Variants in RAB3C observed in about 807,000 individuals in gnomAD.
The protein encoded by RAB3C is ras-related protein Rab-3C.
A neutral mutation model predicts 26.4 loss-of-function variants in RAB3C; 17 were observed. The observed-to-expected ratio is 0.64, with a 90% CI of 0.44 to 0.97. The LOEUF is 0.97. Ranked by LOEUF, RAB3C falls within the 50% of genes least tolerant of loss-of-function variation. The pLI, the probability that RAB3C is intolerant of heterozygous loss-of-function variation, is 0.00. For synonymous variants in RAB3C, 91 were observed against 95.9 expected (o/e 0.95, Z 0.30); for missense variants, 242 against 281.9 (o/e 0.86, Z 1.01).
intron 3 of RAB3C, among the ~76,000 whole-genome samples, chr5:58,743,311 C>G (rs7729997): frequency 0.013 from 2,022 of 152,188 alleles, 49 homozygotes; most frequent in African/African-American, 0.047. Flanking sequence ...ATATTAGAGT[C>G]TCCTGGAGAT....
At chr5:58,840,923 C>A (rs551845880) in intron 4 of RAB3C, among the ~76,000 whole-genome samples, 1 of 152,350 alleles carries the variant, frequency 6.6e-6, no homozygotes, top group African/African-American at 2.4e-5. Context: ...CATGCAATTG[C>A]TTGTCTGACC....
At chr5:58,602,391 C>G (rs1746475624) in intron 1 of RAB3C, among the ~76,000 whole-genome samples, 1 of 151,878 alleles carries the variant, frequency 6.6e-6, no homozygotes, top group Non-Finnish European at 1.5e-5. Flanking sequence ...AGTTTAAATC[C>G]ATTGTTTCTT....
chr5:58,661,192 G>A (rs1747899129), intron 2 of RAB3C, among the ~76,000 whole-genome samples: 1 of 150,242 alleles, frequency 6.7e-6, no homozygotes, highest in Non-Finnish European at 1.5e-5. Flanking sequence ...TTAAAGTATA[G>A]TCATGTCTCA....
At chr5:58,824,982 A>G (rs1743440357) in intron 3 of RAB3C, 56 bp from the exon 4 acceptor site, 3 of 1,266,238 alleles carry the variant, frequency 2.4e-6, no homozygotes, top group Non-Finnish European at 1.1e-6. Context: ...CTTCTCCTTC[A>G]TTTTATGCTG....
At position 58,602,770 on chromosome 5, in the gene RAB3C, G is replaced by T. The variant is rs1340128162; in HGVS notation, c.25-14873G>T. ...GTCTCCTAAAGGCAGGAGATAGTTG[G>T]TTGGTGAGTTTTTATCCATTCTGCG... is the stretch of plus-strand genomic sequence containing the variant. On this transcript the variant is annotated intron_variant, in intron 1 of 4. Transcript: ENST00000282878. Among the ~76,000 whole-genome samples, 3 of 152,306 alleles carry T rather than the reference G, an allele frequency of 2.0e-5. No homozygotes were observed. The South Asian group carries it at 6.2e-4, about 32-fold the overall frequency.
At chr5:58,806,326 G>T (rs192884488) in intron 3 of RAB3C, among the ~76,000 whole-genome samples, 5 of 152,282 alleles carry the variant, frequency 3.3e-5, no homozygotes, top group African/African-American at 1.2e-4. Flanking sequence ...AAGTGCTGCT[G>T]AATAAATGGT....
chr5:58,706,154 G>T (rs1393146064), intron 2 of RAB3C, among the ~76,000 whole-genome samples: 2 of 152,146 alleles, frequency 1.3e-5, no homozygotes, highest in Non-Finnish European at 2.9e-5. Context: ...TTTTGTTGTT[G>T]TTGCTTAGGA....
chr5:58,630,426 T>C (rs549335295), intron 2 of RAB3C, among the ~76,000 whole-genome samples: 1 of 152,310 alleles, frequency 6.6e-6, no homozygotes, highest in East Asian at 1.9e-4. Context: ...AAAATATTTA[T>C]TTTCATTTTA....
At position 58,597,627 on chromosome 5, in the gene RAB3C, T is replaced by C. The variant is rs188881525; in HGVS notation, c.24+14395T>C. Among the ~76,000 whole-genome samples the C allele has an allele frequency of 4.0e-3, 345 of 85,242 alleles. 4 individuals carry two copies. The highest frequency in any genetic ancestry group is 9.0e-3 in the African/African-American group (305 of 33,898). 55.9% of individuals were successfully genotyped at this position (85,242 alleles called of 152,430 possible). On this transcript the variant is annotated intron_variant, in intron 1 of 4. Transcript: ENST00000282878. ...GCATATAACAATATATAGTTCATTA[T>C]ATATAAGCATATAACAATATATAGT...
intron 3 of RAB3C, among the ~76,000 whole-genome samples, chr5:58,800,787 G>C: frequency 6.6e-6 from 1 of 152,198 alleles, no homozygotes; most frequent in Non-Finnish European, 1.5e-5. Flanking sequence ...AGGGTGCCAA[G>C]TGTAGCTCAG....
At chr5:58,624,304 G>T (rs1747008184) in intron 2 of RAB3C, among the ~76,000 whole-genome samples, 1 of 152,130 alleles carries the variant, frequency 6.6e-6, no homozygotes, top group African/African-American at 2.4e-5. Context: ...ACTCGGGAAG[G>T]TTTCCTGGGT....
intron 2 of RAB3C, among the ~76,000 whole-genome samples, chr5:58,678,607 C>T (rs1748278876): frequency 1.3e-5 from 2 of 152,146 alleles, no homozygotes; most frequent in South Asian, 2.1e-4. Flanking sequence ...TATTAATATG[C>T]TAGCTTTTAG....
chr5:58,845,635 T>TGTGTGTGTGTGTGC (rs1743981533), intron 4 of RAB3C, among the ~76,000 whole-genome samples: 1 of 108,342 alleles, frequency 9.2e-6, no homozygotes, highest in Non-Finnish European at 2.1e-5. Context: ...TGTGTGTATA[T>TGTGTGTGTGTGTGC]GTATATATAC....
rs929200142 is a variant in RAB3C at position 58,857,046 on chromosome 5, T to C, written c.*5695T>C. 6.6e-6 allele frequency: 1 copy of C among 152,160 alleles called. No individual in the cohort carries two copies. The highest frequency in any genetic ancestry group is 6.6e-5 in the Admixed American group (1 of 15,262). The allele number at this position is 152,160 out of a possible 1,614,324, so 9.4% of individuals were successfully genotyped here. On this transcript the variant is annotated 3_prime_UTR_variant, in exon 5 of 5. Coordinates refer to ENST00000282878, the MANE Select transcript of RAB3C (RefSeq NM_138453.4). ...GCATGAAATATGTTATAAAAATAGA[T>C]TTGTTTTCTATTTTCAACACCTCAG...
At chr5:58,711,172 T>C (rs1460659103) in intron 2 of RAB3C, among the ~76,000 whole-genome samples, 1 of 152,236 alleles carries the variant, frequency 6.6e-6, no homozygotes, top group Non-Finnish European at 1.5e-5. Flanking sequence ...ATGTGAATTC[T>C]GGCTGATCCT....
intron 2 of RAB3C, among the ~76,000 whole-genome samples, chr5:58,676,433 G>A (rs1748228743): frequency 6.6e-6 from 1 of 152,184 alleles, no homozygotes; most frequent in African/African-American, 2.4e-5. Context: ...AACCTGGGAG[G>A]CAGAGGTTGC....
At chr5:58,679,703 T>G (rs1158906175) in intron 2 of RAB3C, among the ~76,000 whole-genome samples, 1 of 152,224 alleles carries the variant, frequency 6.6e-6, no homozygotes, top group African/African-American at 2.4e-5. Flanking sequence ...TTTGAATGCT[T>G]TTAACCTCAA....
intron 4 of RAB3C, among the ~76,000 whole-genome samples, chr5:58,834,244 GAAA>G (rs1271959517): frequency 6.6e-6 from 1 of 152,224 alleles, no homozygotes; most frequent in Non-Finnish European, 1.5e-5. Flanking sequence ...CAAAGCCAGA[GAAA>G]CATGGACAGC....
At chr5:58,597,224 A>C (rs563244132) in intron 1 of RAB3C, among the ~76,000 whole-genome samples, 1 of 120,350 alleles carries the variant, frequency 8.3e-6, no homozygotes, top group Non-Finnish European at 1.6e-5. Context: ...ATATTATATA[A>C]TATATACTAC....
Sources: gnomAD v4.1 joint callset for allele counts (sites outside exome capture counted in the v4.1 genomes callset) on GRCh38, gnomAD v4.1.1 for gene constraint, MANE v1.5 for transcripts, NCBI Gene and HGNC (gene_info 2026-07-23, HGNC 2026-07-21) for gene names.